The following SLC7A8 variants were observed in gnomAD, a reference collection of about 807,000 sequenced individuals.
SLC7A8 encodes the protein large neutral amino acids transporter small subunit 2.
A neutral mutation model predicts 51.2 loss-of-function variants in SLC7A8; 30 were observed. The observed-to-expected ratio is 0.59, with a 90% CI of 0.44 to 0.80. The LOEUF (loss-of-function observed/expected upper bound fraction) is 0.80, where lower values mean the gene tolerates loss of function less well. SLC7A8 is among the 30% of genes least tolerant of loss of function. SLC7A8 has a pLI of 0.00. For missense variants in SLC7A8, 612 were observed against 674.4 expected (o/e 0.91, Z 1.03); for synonymous variants, 257 against 275.8 (o/e 0.93, Z 0.67).
At chr14:23,148,914 T>C (rs1295449438) in intron 3 of SLC7A8, among the ~76,000 whole-genome samples, 1 of 152,182 alleles carries the variant, frequency 6.6e-6, no homozygotes, top group Non-Finnish European at 1.5e-5. Flanking sequence ...AGGAAATGGA[T>C]ACCAGACAGA....
Position 23,128,205 on chromosome 14 carries a change from C to T in SLC7A8, c.1264-9G>A. The T allele has an allele frequency of 6.2e-7, 1 of 1,613,854 alleles. No individual in the cohort carries two copies. The highest frequency in any genetic ancestry group is 1.1e-5 in the South Asian group (1 of 91,022). On this transcript the variant is annotated splice_polypyrimidine_tract_variant and intron_variant, in intron 9 of 10. Coordinates refer to ENST00000316902, the MANE Select transcript of SLC7A8 (RefSeq NM_012244.4). This position sits in a 1 kb window ranked among gnomAD's most constrained non-coding sequence, Gnocchi z 4.3. ...GGGAACAGCAGGTTGATCTGTGGAG[C>T]AGAGGCATGAGGCGTATGAACTGTG... is the stretch of plus-strand genomic sequence containing the variant.
Position 23,183,262 on chromosome 14 carries a change from G to T in SLC7A8, c.-348C>A. 4.4e-6 allele frequency: 1 copy of T among 229,724 alleles called. No homozygotes were observed. Among genetic ancestry groups the T allele is most frequent in the South Asian group, 6.4e-5 (1 of 15,736 alleles). 14.2% of individuals were successfully genotyped at this position (229,724 alleles called of 1,614,324 possible). On this transcript the variant is annotated 5_prime_UTR_variant, in exon 1 of 11. Transcript: ENST00000316902. Reference sequence around the variant, plus strand: ...TGTCTTCAGAAACCAGGATGGTTCTGCTCTGTGCACCAGGCAGTGGCTTAT... The same window carrying T: ...TGTCTTCAGAAACCAGGATGGTTCTTCTCTGTGCACCAGGCAGTGGCTTAT...
intron 3 of SLC7A8, among the ~76,000 whole-genome samples, chr14:23,149,302 C>A (rs1033014955): frequency 2.0e-5 from 3 of 152,144 alleles, no homozygotes; most frequent in Non-Finnish European, 4.4e-5. Context: ...AAATCCAGGG[C>A]AAAAGATACA....
At chr14:23,130,355 C>T (rs182647647) in intron 8 of SLC7A8, among the ~76,000 whole-genome samples, 1 of 152,284 alleles carries the variant, frequency 6.6e-6, no homozygotes, top group Non-Finnish European at 1.5e-5. Context: ...ACTCACTTAA[C>T]CCTCATAACA....
In SLC7A8 at chr14:23,128,880, GA is replaced by G. The variant is rs2140299971; in HGVS notation, c.1264-685del. ...AGCAGATTTTCTAAGTGTGAGAGTA[GA>G]AAATGGCGGTGGAAATGCCAGTGAG... is the stretch of plus-strand genomic sequence containing the variant. On this transcript the variant is annotated intron_variant, in intron 9 of 10. Coordinates refer to ENST00000316902, the MANE Select transcript of SLC7A8 (RefSeq NM_012244.4). The surrounding 1 kb of genome is among the most constrained non-coding windows in gnomAD (Gnocchi z 4.3). 6.6e-6 allele frequency among the ~76,000 whole-genome samples: 1 copy of G among 152,360 alleles called. No individual in the cohort carries two copies. The highest frequency in any genetic ancestry group is 2.1e-4 in the South Asian group (1 of 4,828).
chr14:23,151,272 G>C (rs574349352), intron 3 of SLC7A8, among the ~76,000 whole-genome samples: 1 of 152,148 alleles, frequency 6.6e-6, no homozygotes, highest in Non-Finnish European at 1.5e-5. Flanking sequence ...GGAAACGACA[G>C]ATAGATACAT....
chr14:23,142,934 AAGCAAGGGAAGAAGAAG>A, intron 4 of SLC7A8, 128 bp downstream of exon 4: 1 of 1,109,316 alleles, frequency 9.0e-7, no homozygotes, highest in Non-Finnish European at 1.3e-6. Context: ...CCCTTTTGTC[AAGCAAGGGAAGAAGAAG>A]AGAAGTCACT....
chr14:23,172,573 C>T (rs2048980261), intron 1 of SLC7A8, among the ~76,000 whole-genome samples: 1 of 152,182 alleles, frequency 6.6e-6, no homozygotes. Context: ...CCACATCTTG[C>T]CTCCAGCATT....
intron 7 of SLC7A8, among the ~76,000 whole-genome samples, chr14:23,133,761 T>C (rs1218147847): frequency 6.6e-6 from 1 of 151,638 alleles, no homozygotes; most frequent in Non-Finnish European, 1.5e-5. Context: ...AAGGTGGAGG[T>C]TGCAGTGAGC....
At chr14:23,154,319 C>T (rs61976514) in intron 3 of SLC7A8, 1 of 1,000,334 alleles carries the variant, frequency 1.0e-6, no homozygotes, top group South Asian at 4.7e-5. Context: ...CCCACAGACT[C>T]CCTCCCCTCC....
At chr14:23,154,254 C>T (rs1227024086) in intron 3 of SLC7A8, 1 of 1,000,192 alleles carries the variant, frequency 1.0e-6, no homozygotes, top group African/African-American at 1.7e-5. Context: ...GCTTCTCAGC[C>T]TCACCTTTTG....
chr14:23,169,847 A>G lies in SLC7A8; in HGVS notation c.152-3307T>C, dbSNP rs898145250. On this transcript the variant is annotated intron_variant, in intron 1 of 10. Transcript: ENST00000316902. ...AAAGGCAGTTATTTGCCTAAATCATAGGGTGAGTTTGTTGTAGCTGGACCG... is the reference window on the plus strand; with the variant it reads ...AAAGGCAGTTATTTGCCTAAATCATGGGGTGAGTTTGTTGTAGCTGGACCG... Among the ~76,000 whole-genome samples, 7 of 152,318 alleles carry G rather than the reference A, an allele frequency of 4.6e-5. No homozygotes were observed. The South Asian group carries it at 1.4e-3, about 32-fold the overall frequency.
At chr14:23,132,397 G>A (rs2048645525) in intron 7 of SLC7A8, among the ~76,000 whole-genome samples, 1 of 151,986 alleles carries the variant, frequency 6.6e-6, no homozygotes, top group Non-Finnish European at 1.5e-5. Flanking sequence ...TTTGGGTAGT[G>A]GTTGAATTTT....
chr14:23,139,357 T>TG (rs2140311314), intron 6 of SLC7A8, 67 bp downstream of exon 6: 2 of 1,608,534 alleles, frequency 1.2e-6, no homozygotes, highest in Non-Finnish European at 1.7e-6. Context: ...GAAAAGTGAG[T>TG]GGGGCTACAG....
At chr14:23,180,791 C>G (rs1043935869) in intron 1 of SLC7A8, among the ~76,000 whole-genome samples, 2 of 152,170 alleles carry the variant, frequency 1.3e-5, no homozygotes, top group African/African-American at 4.8e-5. Flanking sequence ...GGAAAATACC[C>G]TCTACCCTTG....
At chr14:23,131,862 T>G (rs1173392558) in intron 7 of SLC7A8, among the ~76,000 whole-genome samples, 1 of 152,232 alleles carries the variant, frequency 6.6e-6, no homozygotes, top group Non-Finnish European at 1.5e-5. Context: ...TCCCAATGCC[T>G]GGAAGGCTGC....
chr14:23,134,868 A>G (rs779674718), intron 7 of SLC7A8, among the ~76,000 whole-genome samples: 3 of 152,236 alleles, frequency 2.0e-5, no homozygotes, highest in Non-Finnish European at 4.4e-5. Context: ...ATGCTACACA[A>G]TTATATTATA....
chr14:23,145,953 G>A (rs966610123), intron 3 of SLC7A8, among the ~76,000 whole-genome samples: 1 of 152,202 alleles, frequency 6.6e-6, no homozygotes, highest in South Asian at 2.1e-4. Context: ...ATACTCAAAT[G>A]TTCCAGACGG....
chr14:23,137,376 A>G (rs2048700248), intron 7 of SLC7A8, among the ~76,000 whole-genome samples: 1 of 152,104 alleles, frequency 6.6e-6, no homozygotes, highest in African/African-American at 2.4e-5. Flanking sequence ...AGGCCTCTAC[A>G]GCCACCTCTC....
Sources: gnomAD v4.1 joint callset for allele counts (sites outside exome capture counted in the v4.1 genomes callset) on GRCh38, gnomAD v4.1.1 for gene constraint, Gnocchi (gnomAD v3.1) non-coding constraint, MANE v1.5 for transcripts, NCBI Gene and HGNC (gene_info 2026-07-23, HGNC 2026-07-21) for gene names.